The following ARHGAP6 variants were observed in gnomAD, a reference collection of about 807,000 sequenced individuals.
ARHGAP6 encodes Rho GTPase activating protein 6, also known as rho GTPase-activating protein 6.
Under a neutral mutation model 55.7 loss-of-function variants are expected in ARHGAP6, and 16 were observed. The ratio of observed to expected loss-of-function variants is 0.29; its 90% CI spans 0.19 to 0.44. ARHGAP6 has a LOEUF of 0.44. Ranked by LOEUF, ARHGAP6 falls within the 20% of genes least tolerant of loss-of-function variation. The pLI is 1.00. For synonymous variants in ARHGAP6, 382 were observed against 360.9 expected (o/e 1.06, Z -0.66); for missense variants, 698 against 808.9 (o/e 0.86, Z 1.66).
chrX:11,625,286 A>AGTGTGT (rs56128798), intron 1 of ARHGAP6, among the ~76,000 whole-genome samples: 3 of 98,021 alleles, frequency 3.1e-5, no homozygotes, highest in African/African-American at 7.1e-5. Flanking sequence ...GAAAATGTGG[A>AGTGTGT]GTGTGTGTGT....
At chrX:11,451,020 C>A (rs1477840824) in intron 1 of ARHGAP6, among the ~76,000 whole-genome samples, 1 of 111,372 alleles carries the variant, frequency 9.0e-6, no homozygotes, top group Non-Finnish European at 1.9e-5. Context: ...CCCAGCATTC[C>A]CATTCGTGGA....
intron 1 of ARHGAP6, among the ~76,000 whole-genome samples, chrX:11,398,009 T>C (rs1399943841): frequency 3.6e-5 from 4 of 111,771 alleles, no homozygotes; most frequent in Non-Finnish European, 1.9e-5. Flanking sequence ...ATCACTGCTT[T>C]CTTTGAGATA....
intron 8 of ARHGAP6, among the ~76,000 whole-genome samples, chrX:11,171,316 T>TA (rs944469852): frequency 4.6e-5 from 5 of 109,875 alleles, no homozygotes; most frequent in Non-Finnish European, 9.5e-5. Context: ...TTTTCTTCTT[T>TA]AAAACTGGGA....
In ARHGAP6 at chrX:11,140,632, C is replaced by T. The variant is rs997798563; in HGVS notation, c.2258-1102G>A. Among the ~76,000 whole-genome samples the T allele has an allele frequency of 3.7e-5, 4 of 109,130 alleles. No individual in the cohort carries two copies. In the Admixed American group the frequency reaches 3.9e-4, roughly 11 times the overall value. The allele number at this position is 109,130 out of a possible 115,157, so 94.8% of individuals were successfully genotyped here. On this transcript the variant is annotated intron_variant, in intron 12 of 12. Transcript: ENST00000337414. The stretch of plus-strand genomic sequence containing the variant: ...GACTATGTGGAAGACAGCATTCCCT[C>T]CCCTCACACACTCCCGCCCCTCCTC...
In ARHGAP6 at chrX:11,491,652, T is replaced by G. The variant is rs898982061; in HGVS notation, c.588+172589A>C. Among the ~76,000 whole-genome samples, 37 of 112,021 alleles carry G rather than the reference T, an allele frequency of 3.3e-4. No homozygotes were observed. The Admixed American group carries it at 3.4e-3, about 10-fold the overall frequency. On this transcript the variant is annotated intron_variant, in intron 1 of 12. Coordinates refer to ENST00000337414, the MANE Select transcript of ARHGAP6 (RefSeq NM_013427.3). ...GGTTGGTTCCAAGTCTTTGCTATTG[T>G]GAATAGAGCTGCAATAAACATATGT...
chrX:11,450,607 C>T (rs941236907), intron 1 of ARHGAP6, among the ~76,000 whole-genome samples: 5 of 111,111 alleles, frequency 4.5e-5, no homozygotes, highest in African/African-American at 1.6e-4. Flanking sequence ...AAACTCACCC[C>T]GAAGAAATCC....
chrX:11,152,392 C>G (rs2045794804), intron 10 of ARHGAP6, among the ~76,000 whole-genome samples: 1 of 111,861 alleles, frequency 8.9e-6, no homozygotes, highest in African/African-American at 3.2e-5. Flanking sequence ...CTGTAATTTA[C>G]TATAATTTAG....
chrX:11,556,733 T>G (rs968571708), intron 1 of ARHGAP6, among the ~76,000 whole-genome samples: 6 of 112,182 alleles, frequency 5.3e-5, no homozygotes, highest in African/African-American at 1.9e-4. Flanking sequence ...GAATTTAATT[T>G]CAGAACCTAA....
chrX:11,459,102 A>G (rs1296319033), intron 1 of ARHGAP6, among the ~76,000 whole-genome samples: 1 of 111,229 alleles, frequency 9.0e-6, no homozygotes, highest in East Asian at 2.8e-4. Context: ...TTTAATGAAC[A>G]TTAACTTCTA....
chrX:11,493,416 G>C (rs747878348), intron 1 of ARHGAP6, among the ~76,000 whole-genome samples: 1 of 112,099 alleles, frequency 8.9e-6, no homozygotes, highest in African/African-American at 3.2e-5. Flanking sequence ...CTCCTGACCA[G>C]CACTTTAAAT....
At chrX:11,512,181 G>C (rs2050792529) in intron 1 of ARHGAP6, among the ~76,000 whole-genome samples, 1 of 111,935 alleles carries the variant, frequency 8.9e-6, no homozygotes, top group Non-Finnish European at 1.9e-5. Flanking sequence ...GTTGTGACAG[G>C]ATTTAACCTA....
At chrX:11,391,422 C>A (rs1164774945) in intron 1 of ARHGAP6, among the ~76,000 whole-genome samples, 1 of 109,845 alleles carries the variant, frequency 9.1e-6, no homozygotes, top group East Asian at 2.8e-4. Flanking sequence ...ATGTAACAAA[C>A]CTGCACGTTG....
At chrX:11,303,232 G>A (rs1399465362) in intron 1 of ARHGAP6, among the ~76,000 whole-genome samples, 1 of 112,567 alleles carries the variant, frequency 8.9e-6, no homozygotes, top group African/African-American at 3.2e-5. Flanking sequence ...TTATTTTTGT[G>A]ATTTGGCTTT....
chrX:11,614,970 C>A (rs1367517040), intron 1 of ARHGAP6, among the ~76,000 whole-genome samples: 7 of 110,367 alleles, frequency 6.3e-5, no homozygotes, highest in African/African-American at 2.3e-4. Flanking sequence ...CACATTAGAG[C>A]CTATAGTGGA....
At chrX:11,625,654 T>C (rs2052289825) in intron 1 of ARHGAP6, among the ~76,000 whole-genome samples, 1 of 111,926 alleles carries the variant, frequency 8.9e-6, no homozygotes, top group Non-Finnish European at 1.9e-5. Context: ...TAATTTGTTA[T>C]ATATTTCAAA....
chrX:11,365,633 C>T (rs5935041), intron 1 of ARHGAP6, among the ~76,000 whole-genome samples: 6,750 of 112,075 alleles, frequency 0.06, 214 homozygotes, highest in African/African-American at 0.12. Context: ...TCATTAAATA[C>T]GTCATATTCA....
At chrX:11,658,768 G>A (rs185354429) in intron 1 of ARHGAP6, among the ~76,000 whole-genome samples, 4 of 106,648 alleles carry the variant, frequency 3.8e-5, no homozygotes, top group Admixed American at 1.0e-4. Flanking sequence ...AAATGGTACT[G>A]AAAAGCAAAA....
At chrX:11,294,944 A>G (rs1454341160) in intron 1 of ARHGAP6, 3 of 895,299 alleles carry the variant, frequency 3.4e-6, no homozygotes, top group Non-Finnish European at 4.9e-6. Context: ...ACAGTATGAG[A>G]TCAGATGTCT....
At chrX:11,184,492 C>T (rs919926003) in intron 5 of ARHGAP6, among the ~76,000 whole-genome samples, 1 of 112,283 alleles carries the variant, frequency 8.9e-6, no homozygotes, top group Non-Finnish European at 1.9e-5. Context: ...ATAGTCCCAC[C>T]TGTGTAGAAA....
Sources: allele counts gnomAD v4.1 joint callset (sites outside exome capture counted in the v4.1 genomes callset), GRCh38; gene constraint gnomAD v4.1.1; transcripts MANE v1.5; gene names NCBI Gene and HGNC (gene_info 2026-07-23, HGNC 2026-07-21).